MMP28: variants seen among roughly 807,000 people sequenced by gnomAD.
The protein encoded by MMP28 is matrix metallopeptidase 28, also known as matrix metalloproteinase-28.
In MMP28, 55 loss-of-function variants were observed where a neutral mutation model predicts 60.5. The ratio of observed to expected loss-of-function variants is 0.91; its 90% CI spans 0.73 to 1.14. The LOEUF is 1.14. Ranked by LOEUF, MMP28 falls within the 50% of genes most tolerant of loss-of-function variation. The pLI is 0.00. For missense variants in MMP28, 686 were observed against 738.3 expected (o/e 0.93, Z 0.82); for synonymous variants, 318 against 312.5 (o/e 1.02, Z -0.18).
chr17:35,762,851 C>T (rs1361985114), downstream of MMP28, among the ~76,000 whole-genome samples: 1 of 151,906 alleles, frequency 6.6e-6, no homozygotes, highest in Non-Finnish European at 1.5e-5. Context: ...AGTGGCCAGG[C>T]GCGGTGGCTC....
At chr17:35,783,823 A>AG (rs2086574480) in intron 1 of MMP28, among the ~76,000 whole-genome samples, 1 of 152,064 alleles carries the variant, frequency 6.6e-6, no homozygotes, top group Non-Finnish European at 1.5e-5. Flanking sequence ...TCAGAGGGGA[A>AG]GTCCTGGGCC....
chr17:35,766,890 A>G lies in MMP28; in HGVS notation c.1173T>C (p.Gly391=). ...NDGDFYFFKG[G]RCWRFRGPKP... The stretch of plus-strand genomic sequence containing the variant: ...TGGGGCCCCGGAACCTCCAGCATCG[A>G]CCCCCTGTGGGGAATTGGGAGAGCC... The change falls in exon 8 of 8, where the codon GGT becomes GGC. Residue 391 remains glycine, a synonymous_variant. Coordinates refer to ENST00000605424, the MANE Select transcript of MMP28 (RefSeq NM_024302.5). This position sits in a 1 kb window ranked among gnomAD's most constrained non-coding sequence, Gnocchi z 4.3. The G allele has an allele frequency of 6.4e-7, 1 of 1,573,244 alleles. No homozygotes were observed. Among genetic ancestry groups the G allele is most frequent in the Non-Finnish European group, 8.6e-7 (1 of 1,160,346 alleles).
intron 1 of MMP28, among the ~76,000 whole-genome samples, chr17:35,794,512 C>T (rs1469694549): frequency 6.6e-6 from 1 of 152,082 alleles, no homozygotes; most frequent in African/African-American, 2.4e-5. Context: ...TCCCAAAGTG[C>T]TGGGATTACA....
intron 1 of MMP28, among the ~76,000 whole-genome samples, chr17:35,786,247 G>A (rs1426746667): frequency 2.6e-5 from 4 of 151,718 alleles, no homozygotes; most frequent in African/African-American, 7.3e-5. Flanking sequence ...TAGTAGAAAC[G>A]GGGTTTCACC....
intron 1 of MMP28, 98 bp from the exon 2 acceptor site, chr17:35,779,421 C>G: frequency 1.0e-6 from 1 of 1,001,602 alleles, no homozygotes; most frequent in East Asian, 2.6e-5. Context: ...AGTCTCACCT[C>G]TTGTCTTTTG....
At chr17:35,772,252 A>G (rs1555606007) in intron 4 of MMP28, among the ~76,000 whole-genome samples, 1 of 152,208 alleles carries the variant, frequency 6.6e-6, no homozygotes, top group Non-Finnish European at 1.5e-5. Flanking sequence ...TATCTGTCCC[A>G]AATCAGAGGG....
At chr17:35,775,843 G>A (rs1408379515) in intron 3 of MMP28, among the ~76,000 whole-genome samples, 1 of 152,222 alleles carries the variant, frequency 6.6e-6, no homozygotes, top group Non-Finnish European at 1.5e-5. Flanking sequence ...GGCAGGAGGA[G>A]CAGGTACCTG....
chr17:35,778,013 C>A (rs1201489649), intron 3 of MMP28, among the ~76,000 whole-genome samples: 1 of 152,166 alleles, frequency 6.6e-6, no homozygotes. Context: ...TGTGATGGAA[C>A]AAGACTCTGT....
intron 1 of MMP28, among the ~76,000 whole-genome samples, chr17:35,785,246 C>T (rs1018920796): frequency 1.3e-5 from 2 of 152,162 alleles, no homozygotes; most frequent in African/African-American, 2.4e-5. Flanking sequence ...GCCATTTCTG[C>T]GCAGGGCAGG....
intron 3 of MMP28, among the ~76,000 whole-genome samples, chr17:35,777,727 C>G (rs1001651109): frequency 2.0e-5 from 3 of 152,230 alleles, no homozygotes; most frequent in Non-Finnish European, 2.9e-5. Context: ...GAAAATTAGA[C>G]TTAGTTAAAA....
intron 4 of MMP28, among the ~76,000 whole-genome samples, chr17:35,771,417 C>A (rs1255027080): frequency 8.5e-6 from 1 of 117,594 alleles, no homozygotes; most frequent in Non-Finnish European, 1.6e-5. Flanking sequence ...GGTGACAAAG[C>A]GAGACTCTGT....
chr17:35,776,625 G>A (rs924445257), intron 3 of MMP28, among the ~76,000 whole-genome samples: 1 of 151,986 alleles, frequency 6.6e-6, no homozygotes, highest in African/African-American at 2.4e-5. Context: ...GGTGGCTTGC[G>A]CCTGTAATCC....
chr17:35,780,378 T>C (rs1433136160), intron 1 of MMP28, among the ~76,000 whole-genome samples: 2 of 152,092 alleles, frequency 1.3e-5, no homozygotes, highest in African/African-American at 4.8e-5. Context: ...CAAATGTAGC[T>C]ATATTAAAGG....
intron 1 of MMP28, 62 bp downstream of exon 1, chr17:35,795,205 C>T: frequency 4.2e-6 from 5 of 1,181,840 alleles, no homozygotes; most frequent in Non-Finnish European, 5.5e-6. Context: ...GGTGGCCTGA[C>T]TGCCGAGTTC....
intron 1 of MMP28, among the ~76,000 whole-genome samples, chr17:35,788,061 G>C (rs553462375): frequency 6.6e-6 from 1 of 151,518 alleles, no homozygotes; most frequent in African/African-American, 2.4e-5. Flanking sequence ...ATGTGCCATC[G>C]TGCCTGGCTA....
At chr17:35,779,387 G>T in intron 1 of MMP28, 64 bp from the exon 2 acceptor site, 1 of 1,369,006 alleles carries the variant, frequency 7.3e-7, no homozygotes, top group Non-Finnish European at 1.0e-6. Context: ...GTCCCCAAGG[G>T]CCCAGGGCAC....
At position 35,795,476 on chromosome 17, in the gene MMP28, G is replaced by T; in HGVS notation, c.-99C>A. The T allele has an allele frequency of 1.2e-6, 1 of 824,798 alleles. No individual in the cohort carries two copies. Among genetic ancestry groups the T allele is most frequent in the Non-Finnish European group, 1.7e-6 (1 of 587,144 alleles). The allele number at this position is 824,798 out of a possible 1,614,324, so 51.1% of individuals were successfully genotyped here. A position where few individuals can be genotyped will look rare whatever the true frequency, so the allele number is the denominator to read the frequency against. ...GGGACCCCGGGGATGGGACTGCTCT[G>T]CGCCGCCCCCGCACGGAGAGGGACT... On this transcript the variant is annotated 5_prime_UTR_variant, in exon 1 of 8. Coordinates refer to ENST00000605424, the MANE Select transcript of MMP28 (RefSeq NM_024302.5).
At chr17:35,788,831 G>A (rs2086729705) in intron 1 of MMP28, among the ~76,000 whole-genome samples, 1 of 152,132 alleles carries the variant, frequency 6.6e-6, no homozygotes. Flanking sequence ...GCAAATGATA[G>A]ATAGAGCCCT....
At chr17:35,782,987 C>T (rs1188146704) in intron 1 of MMP28, among the ~76,000 whole-genome samples, 4 of 152,102 alleles carry the variant, frequency 2.6e-5, no homozygotes, top group Non-Finnish European at 5.9e-5. Flanking sequence ...CCACGATGCC[C>T]GGCTAATTTT....
Sources: gnomAD v4.1 joint callset for allele counts (sites outside exome capture counted in the v4.1 genomes callset) on GRCh38, gnomAD v4.1.1 for gene constraint, Gnocchi (gnomAD v3.1) non-coding constraint, MANE v1.5 for transcripts, NCBI Gene and HGNC (gene_info 2026-07-23, HGNC 2026-07-21) for gene names.